Variants in DNAH11 observed in about 807,000 individuals in gnomAD.
DNAH11 encodes the protein axonemal beta dynein heavy chain 11.
DNAH11 carries 442 observed loss-of-function variants against 526.0 expected under a neutral mutation model. The ratio of observed to expected loss-of-function variants is 0.84; its 90% CI spans 0.78 to 0.91. DNAH11 has a LOEUF of 0.91. Ranked by LOEUF, DNAH11 falls within the 40% of genes least tolerant of loss-of-function variation. The pLI is 0.00. For synonymous variants in DNAH11, 2,461 were observed against 1,935.9 expected, an observed-to-expected ratio of 1.27 and a Z score of -7.12; for missense variants, 6,989 against 5,448.7, an observed-to-expected ratio of 1.28 and a Z score of -8.90.
rs559218045 is a variant in DNAH11, at chr7:21,807,959, G to C, written c.10242G>C (p.Thr3414=). 137 of 1,608,310 alleles carry C rather than the reference G, an allele frequency of 8.5e-5. No individual in the cohort carries two copies. The highest frequency in any genetic ancestry group is 1.1e-4 in the Non-Finnish European group (132 of 1,176,436). Reference sequence around the variant, plus strand: ...CACTCTGTGGAGATGTTCTTCTCACGGCGGCATTTGTGTCTTACGTCGGAC... The same window carrying C: ...CACTCTGTGGAGATGTTCTTCTCACCGCGGCATTTGTGTCTTACGTCGGAC... ...EKTLCGDVLL[T]AAFVSYVGPF... is the part of the protein sequence containing the mutation. Residue 3414 remains threonine (T), a synonymous_variant, in exon 63 of 82, where the codon ACG becomes ACC. Transcript: ENST00000409508.
intron 65 of DNAH11, among the ~76,000 whole-genome samples, chr7:21,837,935 A>T (rs1284248610): frequency 1.3e-5 from 2 of 152,154 alleles, no homozygotes; most frequent in Non-Finnish European, 2.9e-5. Flanking sequence ...GAAACATCTC[A>T]TGGGGCCCCA....
intron 36 of DNAH11, 129 bp from the exon 37 acceptor site, chr7:21,702,581 T>A: frequency 1.4e-6 from 1 of 699,034 alleles, no homozygotes; most frequent in Non-Finnish European, 2.4e-6. Context: ...CAGAAGAAAA[T>A]AGTATTTTGA....
chr7:21,863,352 G>A (rs1279884587), intron 69 of DNAH11, among the ~76,000 whole-genome samples: 3 of 152,258 alleles, frequency 2.0e-5, no homozygotes, highest in African/African-American at 4.8e-5. Context: ...GTTTTGAGAC[G>A]GAGTCTCGCT....
chr7:21,738,627 A>G, intron 46 of DNAH11, 74 bp from the exon 47 acceptor site: 1 of 1,433,736 alleles, frequency 7.0e-7, no homozygotes, highest in East Asian at 2.5e-5. Context: ...GAAGAAGTTA[A>G]GAACAAGAGA....
rs1784701491 is a variant in DNAH11, at chr7:21,900,048, A to T, written c.13231A>T (p.Thr4411Ser). The T allele has an allele frequency of 6.2e-7, 1 of 1,613,992 alleles. No homozygotes were observed. The highest frequency in any genetic ancestry group is 1.3e-5 in the African/African-American group (1 of 75,048). ...LDKTRLTADV[T>S]KKTKEDYGHP... ...TAAAACGCGCTTGACTGCTGATGTT[A>T]CCAAAAAAACAAAGGAAGATTATGG... Residue 4411 changes from threonine (T) to serine (S), a missense_variant, in exon 81 of 82, where the codon ACC becomes TCC. By Grantham distance (58) the Thr-to-Ser change is moderately conservative. Coordinates refer to ENST00000409508, the MANE Select transcript of DNAH11 (RefSeq NM_001277115.2).
chr7:21,735,681 T>G lies in DNAH11; in HGVS notation c.7482T>G (p.Tyr2494Ter). ...CAACAGAGACAGCTCGTCTTAGATATTTCATGGAGTTGTTGCTTGAGAAAG... is the reference window on the plus strand; with the variant it reads ...CAACAGAGACAGCTCGTCTTAGATAGTTCATGGAGTTGTTGCTTGAGAAAG... Reference protein sequence around the residue: ...VHTTETARLRYFMELLLEKGK... With the variant: ...VHTTETARLR The change falls in exon 46 of 82, where the codon TAT (tyrosine) becomes TAG (stop). Residue 2494 changes from tyrosine to a stop codon, truncating the protein, a stop_gained. Coordinates refer to ENST00000409508, the MANE Select transcript of DNAH11 (RefSeq NM_001277115.2). LOFTEE classifies it high-confidence loss of function. The G allele has an allele frequency of 6.2e-7, 1 of 1,611,330 alleles. No individual in the cohort carries two copies. The highest frequency in any genetic ancestry group is 1.1e-5 in the South Asian group (1 of 90,594).
At chr7:21,873,879 C>G (rs2128038989) in intron 74 of DNAH11, among the ~76,000 whole-genome samples, 1 of 146,106 alleles carries the variant, frequency 6.8e-6, no homozygotes, top group African/African-American at 2.6e-5. Flanking sequence ...CAACTTCCAC[C>G]TCCCGGGTTC....
At chr7:21,549,320 A>T (rs1583472379) in intron 2 of DNAH11, among the ~76,000 whole-genome samples, 2 of 152,210 alleles carry the variant, frequency 1.3e-5, no homozygotes, top group Non-Finnish European at 2.9e-5. Context: ...CAGCACATGC[A>T]TAACACTTAC....
intron 25 of DNAH11, among the ~76,000 whole-genome samples, chr7:21,622,956 A>C (rs1053166963): frequency 6.6e-6 from 1 of 152,202 alleles, no homozygotes; most frequent in Admixed American, 6.5e-5. Flanking sequence ...ACAAAAGCCA[A>C]AATTGACAAA....
At position 21,710,475 on chromosome 7, in the gene DNAH11, G is replaced by A. The variant is rs913281885; in HGVS notation, c.6684-78G>A. 1.2e-5 allele frequency: 16 copies of A among 1,342,340 alleles called. No homozygotes were observed. The East Asian group carries it at 2.0e-4, about 17-fold the overall frequency. 83.2% of individuals were successfully genotyped at this position (1,342,340 alleles called of 1,614,324 possible). The stretch of plus-strand genomic sequence containing the variant: ...GAGGCAGCAAAATCGTTTTTATTTA[G>A]TTAATAAAAGAGCTTCCAAGATGAA... On this transcript the variant is annotated intron_variant, in intron 40 of 81. Transcript: ENST00000409508.
intron 64 of DNAH11, among the ~76,000 whole-genome samples, 163 bp from the exon 65 acceptor site, chr7:21,818,054 T>G (rs989077098): frequency 3.3e-5 from 5 of 152,218 alleles, no homozygotes; most frequent in African/African-American, 1.2e-4. Context: ...ATCTTTAATT[T>G]CTGTGTAATC....
At chr7:21,564,126 A>C in intron 5 of DNAH11, 60 bp from the exon 6 acceptor site, 1 of 1,318,710 alleles carries the variant, frequency 7.6e-7, no homozygotes, top group South Asian at 1.6e-5. Flanking sequence ...ATGTAAAGTG[A>C]ATTTAGAAAA....
At chr7:21,760,465 A>G (rs1300380376) in intron 54 of DNAH11, among the ~76,000 whole-genome samples, 1 of 152,162 alleles carries the variant, frequency 6.6e-6, no homozygotes, top group Admixed American at 6.5e-5. Context: ...ACATCAAAAG[A>G]CTAGACTCTT....
chr7:21,871,947 C>A (rs559437350), intron 73 of DNAH11, among the ~76,000 whole-genome samples: 1 of 151,296 alleles, frequency 6.6e-6, no homozygotes, highest in Non-Finnish European at 1.5e-5. Flanking sequence ...ACAGTGAAAC[C>A]CCGTCTCTAC....
intron 30 of DNAH11, among the ~76,000 whole-genome samples, chr7:21,667,260 A>AT (rs2128468199): frequency 6.6e-6 from 1 of 152,258 alleles, no homozygotes; most frequent in South Asian, 2.1e-4. Flanking sequence ...AAAGTGAGCC[A>AT]TTTATAGAGG....
rs72657337 is a variant in DNAH11, at chr7:21,690,926, A to G, written c.6041+45A>G. On this transcript the variant is annotated intron_variant, in intron 35 of 81. Coordinates refer to ENST00000409508, the MANE Select transcript of DNAH11 (RefSeq NM_001277115.2). ...GCTTAGCATCTGGTGCACTCATGCC[A>G]CCTAATGTTGTTGGTTTGCACTGTT... The G allele has an allele frequency of 3.6e-5, 51 of 1,414,580 alleles. No individual in the cohort carries two copies. The Middle Eastern group carries it at 7.0e-4, about 20-fold the overall frequency. 87.6% of individuals were successfully genotyped at this position (1,414,580 alleles called of 1,614,324 possible).
At chr7:21,832,599 C>T (rs909170628) in intron 65 of DNAH11, among the ~76,000 whole-genome samples, 1 of 152,168 alleles carries the variant, frequency 6.6e-6, no homozygotes, top group African/African-American at 2.4e-5. Flanking sequence ...TTCCTGATGA[C>T]TAGTCTCACA....
Position 21,683,797 on chromosome 7 carries a change from A to C in DNAH11, c.5474A>C (p.Gln1825Pro). The C allele has an allele frequency of 6.2e-7, 1 of 1,608,178 alleles. No homozygotes were observed. The highest frequency in any genetic ancestry group is 1.1e-5 in the South Asian group (1 of 89,856). ...CAATGCCTTTAGGTTGTCAGTCCCC[A>C]AGCTTTTACATGGCTGTCTCAACTT... is the stretch of plus-strand genomic sequence containing the variant. ...KLISQKVVSP[Q>P]AFTWLSQLRH... Residue 1825 changes from glutamine to proline, a missense_variant, in exon 32 of 82, where the codon CAA becomes CCA. By Grantham distance (76) the Gln-to-Pro change is moderately conservative. Coordinates refer to ENST00000409508, the MANE Select transcript of DNAH11 (RefSeq NM_001277115.2).
intron 54 of DNAH11, among the ~76,000 whole-genome samples, chr7:21,753,302 CT>C (rs1235756406): frequency 1.3e-5 from 2 of 152,162 alleles, no homozygotes; most frequent in Admixed American, 1.3e-4. Flanking sequence ...AAGCTCATGT[CT>C]TACTGGCCGC....
Sources: gnomAD v4.1 joint callset for allele counts (sites outside exome capture counted in the v4.1 genomes callset) on GRCh38, gnomAD v4.1.1 for gene constraint, MANE v1.5 for transcripts, NCBI Gene and HGNC (gene_info 2026-07-23, HGNC 2026-07-21) for gene names.